RBM11: variants seen among roughly 807,000 people sequenced by gnomAD.
The protein encoded by RBM11 is RNA binding motif protein 11, also known as splicing regulator RBM11.
A neutral mutation model predicts 21.4 loss-of-function variants in RBM11; 18 were observed. That is an observed-to-expected ratio of 0.84 (90% CI 0.58 to 1.25). RBM11 has a LOEUF of 1.25. RBM11 is among the 50% of genes most tolerant of loss of function. The pLI, the probability that RBM11 is intolerant of heterozygous loss-of-function variation, is 0.00. For missense variants in RBM11, 294 were observed against 331.9 expected, an observed-to-expected ratio of 0.89 and a Z score of 0.89; for synonymous variants, 120 against 116.3, an observed-to-expected ratio of 1.03 and a Z score of -0.20.
intron 3 of RBM11, 155 bp downstream of exon 3, chr21:14,221,324 AG>A: frequency 1.1e-6 from 1 of 911,748 alleles, no homozygotes; most frequent in East Asian, 3.1e-5. Context: ...GAAAAGTGAT[AG>A]AAAATATTTT....
intron 2 of RBM11, 96 bp from the exon 3 acceptor site, chr21:14,221,001 T>C: frequency 8.0e-7 from 1 of 1,255,966 alleles, no homozygotes; most frequent in Non-Finnish European, 1.1e-6. Context: ...AAATCACTAC[T>C]ACGTCCTAAA....
intron 1 of RBM11, among the ~76,000 whole-genome samples, chr21:14,217,284 G>T (rs2020467438): frequency 6.6e-6 from 1 of 152,098 alleles, no homozygotes; most frequent in Non-Finnish European, 1.5e-5. Flanking sequence ...TCTAGCACTC[G>T]CTGTTTGCTA....
At chr21:14,223,595 C>T (rs1020647389) in intron 3 of RBM11, among the ~76,000 whole-genome samples, 1 of 152,070 alleles carries the variant, frequency 6.6e-6, no homozygotes, top group Non-Finnish European at 1.5e-5. Flanking sequence ...GAAGCATTAC[C>T]AAGATCTCCA....
rs757880835 is a variant in RBM11, at chr21:14,216,213, C to G, written c.27C>G (p.Asp9Glu). The G allele has an allele frequency of 1.7e-5, 28 of 1,613,688 alleles. No individual in the cohort carries two copies. Among genetic ancestry groups the G allele is most frequent in the Non-Finnish European group, 2.2e-5 (26 of 1,179,806 alleles). Residue 9 changes from aspartate to glutamate, a missense_variant, in exon 1 of 5, where the codon GAC becomes GAG. Physicochemically the swap from Asp to Glu is conservative, Grantham distance 45. Transcript: ENST00000400577. ...TGTTCCCTGCTCAGGAGGAGGCCGA[C>G]AGGACCGTGTTTGTTGGGAATTTAG... MFPAQEEA[D>E]RTVFVGNLEA... is the part of the protein sequence containing the mutation.
intron 1 of RBM11, among the ~76,000 whole-genome samples, chr21:14,218,955 GTTAGAT>G (rs745786769): frequency 1.5e-4 from 23 of 151,986 alleles, no homozygotes; most frequent in Non-Finnish European, 2.9e-4. Flanking sequence ...ATCTCCAGTT[GTTAGAT>G]TTAGAGCCTC....
chr21:14,220,710 G>A (rs1266816204), intron 2 of RBM11, among the ~76,000 whole-genome samples: 2 of 152,060 alleles, frequency 1.3e-5, no homozygotes, highest in African/African-American at 2.4e-5. Flanking sequence ...GGCACATCAT[G>A]TATAAGATTG....
At chr21:14,216,778 T>C (rs1373465649) in intron 1 of RBM11, among the ~76,000 whole-genome samples, 4 of 152,222 alleles carry the variant, frequency 2.6e-5, no homozygotes, top group Non-Finnish European at 5.9e-5. Context: ...TTACCGTGAC[T>C]GTGACCAGGT....
Position 14,227,071 on chromosome 21 carries a change from T to A in RBM11, c.624T>A (p.Asn208Lys), listed in dbSNP as rs1176053092. ...ATCAGATGACAGCTCCACTTCCTAA[T>A]AGTGCATCCGTGTCTTCCTCACTGA... ...DLYQMTAPLPNSASVSSSLNH... is the reference protein window; with the variant it reads ...DLYQMTAPLPKSASVSSSLNH... The change falls in exon 5 of 5, where the codon AAT becomes AAA. Residue 208 changes from asparagine to lysine, a missense_variant. Transcript: ENST00000400577. 1.9e-6 allele frequency: 3 copies of A among 1,613,288 alleles called. No homozygotes were observed. Among genetic ancestry groups the A allele is most frequent in the Non-Finnish European group, 2.5e-6 (3 of 1,179,838 alleles).
chr21:14,227,302 A>G lies in RBM11; in HGVS notation c.*9A>G, dbSNP rs1979190381. The G allele has an allele frequency of 2.5e-6, 4 of 1,593,866 alleles. No homozygotes were observed. In the East Asian group the frequency reaches 8.9e-5, roughly 36 times the overall value. On this transcript the variant is annotated 3_prime_UTR_variant, in exon 5 of 5. Coordinates refer to ENST00000400577, the MANE Select transcript of RBM11 (RefSeq NM_144770.5). The stretch of plus-strand genomic sequence containing the variant: ...AGAAGAAAAGATACTAGTATTACCT[A>G]CAAATGAAACTTACCTACACTGATC...
chr21:14,219,513 TA>T (rs780243046), intron 1 of RBM11, 49 bp from the exon 2 acceptor site: 28 of 1,340,562 alleles, frequency 2.1e-5, no homozygotes, highest in African/African-American at 5.9e-5. Flanking sequence ...TATTTGAGTA[TA>T]AAAAAAATCT....
intron 4 of RBM11, among the ~76,000 whole-genome samples, chr21:14,226,444 C>T (rs965104858): frequency 2.0e-5 from 3 of 151,852 alleles, no homozygotes; most frequent in Admixed American, 6.6e-5. Context: ...TATGGTGAAA[C>T]GCTGTCTCTA....
chr21:14,221,370 G>A, intron 3 of RBM11: 1 of 555,380 alleles, frequency 1.8e-6, no homozygotes, highest in South Asian at 3.3e-5. Flanking sequence ...TTCAGTAGTA[G>A]GGGGTAGAGA....
chr21:14,225,341 G>T (rs543091363), intron 4 of RBM11, among the ~76,000 whole-genome samples: 1 of 152,104 alleles, frequency 6.6e-6, no homozygotes, highest in Non-Finnish European at 1.5e-5. Context: ...TCAATTGGTC[G>T]AGTAAACTAA....
chr21:14,217,051 G>GGGAA (rs1437374126), intron 1 of RBM11, among the ~76,000 whole-genome samples: 1 of 152,160 alleles, frequency 6.6e-6, no homozygotes, highest in Non-Finnish European at 1.5e-5. Flanking sequence ...CTAACAGGGA[G>GGGAA]AACTTAAAAT....
chr21:14,221,309 C>T (rs1978646029), intron 3 of RBM11, 140 bp downstream of exon 3: 3 of 1,049,766 alleles, frequency 2.9e-6, no homozygotes, highest in Admixed American at 7.5e-5. Context: ...TTTTTCCGAG[C>T]CCATGAAAAG....
intron 2 of RBM11, among the ~76,000 whole-genome samples, chr21:14,220,415 A>G (rs1425159213): frequency 3.3e-5 from 5 of 152,176 alleles, no homozygotes; most frequent in Non-Finnish European, 5.9e-5. Context: ...AGCCTCCTCT[A>G]AGTGGTCAGG....
At chr21:14,220,270 C>T (rs77534482) in intron 2 of RBM11, among the ~76,000 whole-genome samples, 134 of 152,288 alleles carry the variant, frequency 8.8e-4, no homozygotes, top group African/African-American at 3.1e-3. Flanking sequence ...ATGGCCTCAA[C>T]AACTTCTCCT....
intron 1 of RBM11, among the ~76,000 whole-genome samples, chr21:14,219,152 C>T (rs1978446327): frequency 6.6e-6 from 1 of 152,110 alleles, no homozygotes; most frequent in Non-Finnish European, 1.5e-5. Context: ...TATAACATCG[C>T]CAGCTTTTTT....
intron 3 of RBM11, 102 bp downstream of exon 3, chr21:14,221,271 G>C: frequency 1.2e-5 from 15 of 1,276,300 alleles, no homozygotes; most frequent in Non-Finnish European, 1.5e-5. Flanking sequence ...TACTTTTTAG[G>C]CCTAGGATAA....
Sources: allele counts gnomAD v4.1 joint callset (sites outside exome capture counted in the v4.1 genomes callset), GRCh38; gene constraint gnomAD v4.1.1; transcripts MANE v1.5; gene names NCBI Gene and HGNC (gene_info 2026-07-23, HGNC 2026-07-21).